ZNF560: variants seen among roughly 807,000 people sequenced by gnomAD.
ZNF560 encodes zinc finger protein 560.
A neutral mutation model predicts 81.8 loss-of-function variants in ZNF560; 54 were observed. That is an observed-to-expected ratio of 0.66 (90% confidence interval 0.53 to 0.83). The LOEUF is 0.83. Ranked by LOEUF, ZNF560 falls within the 40% of genes least tolerant of loss-of-function variation. The pLI is 0.00. For synonymous variants in ZNF560, 321 were observed against 317.9 expected, an observed-to-expected ratio of 1.01 and a Z score of -0.10; for missense variants, 940 against 932.4, an observed-to-expected ratio of 1.01 and a Z score of -0.11.
At chr19:9,495,119 A>G (rs959204143) in intron 2 of ZNF560, among the ~76,000 whole-genome samples, 2 of 152,172 alleles carry the variant, frequency 1.3e-5, no homozygotes, top group Admixed American at 6.5e-5. Context: ...TAGCCAGAGC[A>G]ACAGAGCAAG....
downstream of ZNF560, among the ~76,000 whole-genome samples, chr19:9,462,482 C>A (rs899072999): frequency 2.0e-5 from 3 of 152,200 alleles, no homozygotes; most frequent in Non-Finnish European, 4.4e-5. Flanking sequence ...CTGTTCGAGG[C>A]TCTCAGCTCT....
intron 2 of ZNF560, among the ~76,000 whole-genome samples, chr19:9,494,532 C>G (rs1288503083): frequency 6.6e-6 from 1 of 152,074 alleles, no homozygotes; most frequent in Admixed American, 6.6e-5. Flanking sequence ...GTGAGGAGTT[C>G]GAGACCAGCC....
At chr19:9,458,330 T>C in the ZNF560 span, among the ~76,000 whole-genome samples, 2 of 152,210 alleles carry the variant, frequency 1.3e-5, no homozygotes, top group African/African-American at 4.8e-5. Flanking sequence ...ATCAAACCAA[T>C]TGAAGGTACT....
chr19:9,504,665 C>T, the ZNF560 span, among the ~76,000 whole-genome samples: 2 of 152,308 alleles, frequency 1.3e-5, no homozygotes, highest in Admixed American at 6.5e-5. Context: ...ATATATAACT[C>T]TCCAATTATT....
At position 9,498,174 on chromosome 19, in the gene ZNF560, G is replaced by A. The variant is rs2073592311; in HGVS notation, c.-103C>T. 1.3e-5 allele frequency: 2 copies of A among 152,180 alleles called. No individual in the cohort carries two copies. The highest frequency in any genetic ancestry group is 4.1e-4 in the South Asian group (2 of 4,824). The allele number at this position is 152,180 out of a possible 1,614,324, so 9.4% of individuals were successfully genotyped here. A position where few individuals can be genotyped will look rare whatever the true frequency, so the allele number is the denominator to read the frequency against. Reference sequence around the variant, plus strand: ...GGTCCGTGGGGCTACAGGATCTTGGGGACGGAGTCAATCGAACGCGAACGG... The same window carrying A: ...GGTCCGTGGGGCTACAGGATCTTGGAGACGGAGTCAATCGAACGCGAACGG... On this transcript the variant is annotated 5_prime_UTR_variant, in exon 2 of 10. Coordinates refer to ENST00000301480, the MANE Select transcript of ZNF560 (RefSeq NM_152476.3).
intron 2 of ZNF560, among the ~76,000 whole-genome samples, chr19:9,483,303 T>G (rs1269676323): frequency 6.8e-6 from 1 of 146,756 alleles, no homozygotes; most frequent in Non-Finnish European, 1.5e-5. Flanking sequence ...GGAGCGCCTC[T>G]GCCCGGCCGC....
intron 3 of ZNF560, 66 bp downstream of exon 3, chr19:9,475,218 G>C (rs1035608111): frequency 6.5e-7 from 1 of 1,540,682 alleles, no homozygotes; most frequent in Non-Finnish European, 9.0e-7. Flanking sequence ...CATCTGCCTA[G>C]AAGGAAATGT....
rs573337742 is a variant in ZNF560 at position 9,484,714 on chromosome 19, C to T, written c.-56-9345G>A. 1.2e-3 allele frequency among the ~76,000 whole-genome samples: 185 copies of T among 151,218 alleles called. 1 individual carries two copies. The highest frequency in any genetic ancestry group is 6.8e-3 in the Middle Eastern group (2 of 292). ...AGGAGAATTGCTTGAACCGCAGAGG[C>T]GGAGGCTGCAGTGAGCTGAGATCGC... On this transcript the variant is annotated intron_variant, in intron 2 of 9. Transcript: ENST00000301480.
At chr19:9,473,284 A>G in intron 4 of ZNF560, 25 bp from the exon 5 acceptor site, 1 of 1,579,372 alleles carries the variant, frequency 6.3e-7, no homozygotes, top group African/African-American at 1.4e-5. Context: ...ATGATACATT[A>G]ATGGAAGAGG....
intron 5 of ZNF560, among the ~76,000 whole-genome samples, chr19:9,471,946 T>TA (rs1481528295): frequency 2.6e-5 from 4 of 152,006 alleles, no homozygotes; most frequent in African/African-American, 9.7e-5. Context: ...CCATCTCTAC[T>TA]AAAAATACAA....
At chr19:9,502,086 G>A (rs960118037), upstream of ZNF560, among the ~76,000 whole-genome samples, 7 of 151,834 alleles carry the variant, frequency 4.6e-5, no homozygotes, top group South Asian at 2.1e-4. Flanking sequence ...CTCGGGAGGC[G>A]CAGGTTGCAG....
At chr19:9,454,399 G>A in the ZNF560 span, among the ~76,000 whole-genome samples, 8 of 152,154 alleles carry the variant, frequency 5.3e-5, no homozygotes, top group Non-Finnish European at 1.0e-4. Flanking sequence ...AGCAAGTGGC[G>A]CCCAAACATG....
chr19:9,474,171 A>T, intron 4 of ZNF560, 28 bp downstream of exon 4: 1 of 1,613,656 alleles, frequency 6.2e-7, no homozygotes, highest in Non-Finnish European at 8.5e-7. Flanking sequence ...CTTCCCTAAG[A>T]GGCTGCATAA....
rs140379096 is a variant in ZNF560, at chr19:9,476,560, G to A, written c.-56-1191C>T. Among the ~76,000 whole-genome samples, 527 of 152,234 alleles carry A rather than the reference G, an allele frequency of 3.5e-3. 4 individuals carry two copies. Among genetic ancestry groups the A allele is most frequent in the African/African-American group, 0.012 (510 of 41,552 alleles). ...CTGCCTTGGCCTCCCAAAGTGCTGG[G>A]ATTACAGATGTGAGCCACCGCGCCC... On this transcript the variant is annotated intron_variant, in intron 2 of 9. Coordinates refer to ENST00000301480, the MANE Select transcript of ZNF560 (RefSeq NM_152476.3).
chr19:9,450,722 G>A, the ZNF560 span, among the ~76,000 whole-genome samples: 1 of 151,896 alleles, frequency 6.6e-6, no homozygotes, highest in Non-Finnish European at 1.5e-5. Context: ...TAGAGACAGG[G>A]TTTCACCATG....
At chr19:9,485,530 G>A (rs1268805719) in intron 2 of ZNF560, among the ~76,000 whole-genome samples, 4 of 146,852 alleles carry the variant, frequency 2.7e-5, no homozygotes, top group African/African-American at 1.0e-4. Flanking sequence ...AAAAAGTGCT[G>A]AAGAACATTA....
At chr19:9,446,770 T>C in the ZNF560 span, among the ~76,000 whole-genome samples, 2 of 152,264 alleles carry the variant, frequency 1.3e-5, no homozygotes, top group East Asian at 3.9e-4. Context: ...GATTTACTTA[T>C]AGTATAGAGA....
At chr19:9,460,475 C>T in the ZNF560 span, among the ~76,000 whole-genome samples, 5 of 152,128 alleles carry the variant, frequency 3.3e-5, no homozygotes, top group African/African-American at 1.2e-4. Flanking sequence ...TTGGCTGGAC[C>T]CCCCAGTGGA....
chr19:9,482,643 C>T (rs1193417799), intron 2 of ZNF560, among the ~76,000 whole-genome samples: 1 of 147,974 alleles, frequency 6.8e-6, no homozygotes, highest in Non-Finnish European at 1.5e-5. Context: ...AGACCTCCCC[C>T]TCCCCCTCCC....
Sources: gnomAD v4.1 joint callset for allele counts (sites outside exome capture counted in the v4.1 genomes callset) on GRCh38, gnomAD v4.1.1 for gene constraint, MANE v1.5 for transcripts, NCBI Gene and HGNC (gene_info 2026-07-23, HGNC 2026-07-21) for gene names.